NRG3: variants seen among roughly 807,000 people sequenced by gnomAD.
NRG3 encodes the protein pro-neuregulin-3, membrane-bound isoform.
NRG3 carries 31 observed loss-of-function variants against 66.9 expected under a neutral mutation model. That is an observed-to-expected ratio of 0.46 (90% confidence interval 0.35 to 0.63). The LOEUF is 0.63. Ranked by LOEUF, NRG3 falls within the 20% of genes least tolerant of loss-of-function variation. The probability of loss-of-function intolerance (pLI) is 0.00; values close to 1 mark genes in which losing one functional copy is unlikely to be tolerated. For synonymous variants in NRG3, 393 were observed against 359.4 expected (o/e 1.09, Z -1.06); for missense variants, 910 against 878.9 (o/e 1.04, Z -0.45).
intron 1 of NRG3, among the ~76,000 whole-genome samples, chr10:82,003,829 C>T (rs1037369112): frequency 1.4e-4 from 21 of 152,004 alleles, no homozygotes; most frequent in African/African-American, 1.9e-4. Flanking sequence ...GGAGGGGCTA[C>T]GGGGTAAAGG....
At chr10:82,822,639 G>A (rs1035328627) in intron 3 of NRG3, among the ~76,000 whole-genome samples, 1 of 152,102 alleles carries the variant, frequency 6.6e-6, no homozygotes, top group Non-Finnish European at 1.5e-5. Flanking sequence ...GGTTAGGTGG[G>A]CAGATGTTTA....
At chr10:82,206,716 A>G (rs1400655146) in intron 1 of NRG3, among the ~76,000 whole-genome samples, 2 of 152,172 alleles carry the variant, frequency 1.3e-5, no homozygotes, top group Non-Finnish European at 2.9e-5. Context: ...AGGGACCTTT[A>G]CACCAAGCTA....
chr10:82,033,168 C>T (rs966755508), intron 1 of NRG3, among the ~76,000 whole-genome samples: 1 of 152,114 alleles, frequency 6.6e-6, no homozygotes, highest in Non-Finnish European at 1.5e-5. Flanking sequence ...TCCTGTCAGA[C>T]AGAATGTTGC....
chr10:82,215,938 G>A (rs1030106327), intron 1 of NRG3, among the ~76,000 whole-genome samples: 3 of 123,680 alleles, frequency 2.4e-5, no homozygotes, highest in Non-Finnish European at 5.2e-5. Context: ...AAAATTCGTG[G>A]TTTGTTTATA....
intron 2 of NRG3, among the ~76,000 whole-genome samples, chr10:82,382,006 G>A (rs903824704): frequency 3.3e-5 from 5 of 152,050 alleles, no homozygotes; most frequent in African/African-American, 1.2e-4. Context: ...ACTTTTAGGA[G>A]ATTTTAATTC....
intron 2 of NRG3, among the ~76,000 whole-genome samples, chr10:82,720,820 T>C (rs1464893517): frequency 0.021 from 715 of 34,398 alleles, 37 homozygotes; most frequent in African/African-American, 0.062. Context: ...CATATATATA[T>C]ATATATATAT....
At chr10:82,222,331 C>T (rs968565198) in intron 1 of NRG3, among the ~76,000 whole-genome samples, 6 of 150,616 alleles carry the variant, frequency 4.0e-5, no homozygotes, top group Non-Finnish European at 8.9e-5. Context: ...CAGGAGTTAA[C>T]GCCGATTGTG....
intron 3 of NRG3, among the ~76,000 whole-genome samples, chr10:82,748,728 T>A (rs1314655314): frequency 2.0e-5 from 3 of 150,602 alleles, no homozygotes; most frequent in Non-Finnish European, 4.4e-5. Flanking sequence ...CCTCACACAG[T>A]GTTGTAAGGT....
At chr10:81,883,942 G>T (rs1842398959) in intron 1 of NRG3, among the ~76,000 whole-genome samples, 2 of 152,150 alleles carry the variant, frequency 1.3e-5, no homozygotes, top group Admixed American at 6.5e-5. Context: ...TATGTGGAGG[G>T]TTACCGTGTG....
intron 1 of NRG3, among the ~76,000 whole-genome samples, chr10:82,155,797 C>A (rs1202994414): frequency 6.6e-6 from 1 of 151,516 alleles, no homozygotes; most frequent in Non-Finnish European, 1.5e-5. Flanking sequence ...ATTTAATTTT[C>A]AATATTTATA....
intron 1 of NRG3, among the ~76,000 whole-genome samples, chr10:81,900,240 GCC>G (rs1843918713): frequency 6.9e-6 from 1 of 145,000 alleles, no homozygotes; most frequent in Non-Finnish European, 1.5e-5. Context: ...GAGCCAATGC[GCC>G]TGGCCGGTTT....
chr10:82,594,468 A>G (rs1398135722), intron 2 of NRG3, among the ~76,000 whole-genome samples: 1 of 152,142 alleles, frequency 6.6e-6, no homozygotes, highest in African/African-American at 2.4e-5. Flanking sequence ...TTAAATGGTA[A>G]CATTTAAATG....
intron 3 of NRG3, among the ~76,000 whole-genome samples, chr10:82,859,782 T>C (rs1046625898): frequency 6.6e-6 from 1 of 152,194 alleles, no homozygotes; most frequent in African/African-American, 2.4e-5. Context: ...TGTGAATGCG[T>C]ATGTTAATTA....
chr10:82,129,314 G>T (rs1218636959), intron 1 of NRG3, among the ~76,000 whole-genome samples: 1 of 152,126 alleles, frequency 6.6e-6, no homozygotes, highest in African/African-American at 2.4e-5. Flanking sequence ...AATTTCCAGT[G>T]ATATATCTGA....
At chr10:82,527,959 G>A (rs1393220052) in intron 2 of NRG3, among the ~76,000 whole-genome samples, 1 of 150,004 alleles carries the variant, frequency 6.7e-6, no homozygotes, top group African/African-American at 2.5e-5. Context: ...GGGGGTGGGG[G>A]TGGGGCTGGC....
intron 2 of NRG3, among the ~76,000 whole-genome samples, chr10:82,571,298 A>G (rs1021188625): frequency 1.3e-5 from 2 of 151,646 alleles, no homozygotes; most frequent in East Asian, 1.9e-4. Context: ...AGGCAGTAGA[A>G]ATAATAAATA....
At chr10:82,152,215 A>G (rs2070804110) in intron 1 of NRG3, among the ~76,000 whole-genome samples, 1 of 152,174 alleles carries the variant, frequency 6.6e-6, no homozygotes, top group Non-Finnish European at 1.5e-5. Flanking sequence ...AGGGACAGCA[A>G]ATAAGATTTG....
At chr10:82,185,355 T>C (rs763149123) in intron 1 of NRG3, among the ~76,000 whole-genome samples, 64 of 152,186 alleles carry the variant, frequency 4.2e-4, no homozygotes, top group Admixed American at 8.5e-4. Context: ...TTTTGCTATC[T>C]CCCTGGTATT....
chr10:82,306,743 C>T (rs891345201), intron 1 of NRG3, among the ~76,000 whole-genome samples: 2 of 132,276 alleles, frequency 1.5e-5, no homozygotes, highest in Non-Finnish European at 3.2e-5. Context: ...AAAAGTCTGG[C>T]AGAATTCTTC....
Sources: allele counts gnomAD v4.1 joint callset (sites outside exome capture counted in the v4.1 genomes callset), GRCh38; gene constraint gnomAD v4.1.1; transcripts MANE v1.5; gene names NCBI Gene and HGNC (gene_info 2026-07-23, HGNC 2026-07-21).